Variants in STK32B observed in about 807,000 individuals in gnomAD.
The protein encoded by STK32B is serine/threonine-protein kinase 32B.
STK32B carries 43 observed loss-of-function variants against 52.6 expected under a neutral mutation model. The observed-to-expected ratio is 0.82, with a 90% CI of 0.64 to 1.05. The LOEUF (loss-of-function observed/expected upper bound fraction) is 1.05. Among genes scored for constraint, STK32B ranks in the 50% least tolerant of loss-of-function variants. The pLI is 0.00. For missense variants in STK32B, 621 were observed against 534.6 expected (o/e 1.16, Z -1.59); for synonymous variants, 238 against 204.3 (o/e 1.17, Z -1.41).
chr4:5,491,222 C>G (rs1250274738), intron 11 of STK32B, among the ~76,000 whole-genome samples: 1 of 152,226 alleles, frequency 6.6e-6, no homozygotes, highest in Non-Finnish European at 1.5e-5. Flanking sequence ...TCTCCACATC[C>G]TCTCCAGCAC....
chr4:5,061,942 G>A (rs915585857), intron 1 of STK32B, among the ~76,000 whole-genome samples: 4 of 152,122 alleles, frequency 2.6e-5, no homozygotes, highest in Non-Finnish European at 5.9e-5. Flanking sequence ...CTGGATATTT[G>A]TCCCAAAGTT....
intron 3 of STK32B, among the ~76,000 whole-genome samples, chr4:5,192,264 T>TC: frequency 6.6e-6 from 1 of 152,282 alleles, no homozygotes; most frequent in East Asian, 1.9e-4. Flanking sequence ...GTTATTGAAT[T>TC]CCCAGCAAGA....
At chr4:5,387,821 C>T (rs148460361) in intron 4 of STK32B, among the ~76,000 whole-genome samples, 32 of 152,148 alleles carry the variant, frequency 2.1e-4, no homozygotes, top group African/African-American at 5.3e-4. Flanking sequence ...CTTGGCTCAC[C>T]GCAACCTCCG....
At chr4:5,323,155 G>A (rs1731632904) in intron 3 of STK32B, among the ~76,000 whole-genome samples, 1 of 152,120 alleles carries the variant, frequency 6.6e-6, no homozygotes, top group Admixed American at 6.5e-5. Context: ...AGTCTGACAG[G>A]TGGAGGTGGA....
chr4:5,270,000 G>C (rs1727318850), intron 3 of STK32B, among the ~76,000 whole-genome samples: 1 of 152,110 alleles, frequency 6.6e-6, no homozygotes, highest in African/African-American at 2.4e-5. Context: ...AACTGAAAGA[G>C]AAAAGTCATG....
chr4:5,213,039 A>G (rs942078023), intron 3 of STK32B, among the ~76,000 whole-genome samples: 1 of 152,242 alleles, frequency 6.6e-6, no homozygotes, highest in Non-Finnish European at 1.5e-5. Context: ...TTGTATTTAA[A>G]TAATATATAC....
intron 3 of STK32B, 71 bp downstream of exon 3, chr4:5,168,521 A>G: frequency 6.7e-7 from 1 of 1,502,734 alleles, no homozygotes. Context: ...CGCCTCTGCT[A>G]GAGGGACTCT....
chr4:5,232,056 G>A (rs1560243540), intron 3 of STK32B, among the ~76,000 whole-genome samples: 1 of 152,152 alleles, frequency 6.6e-6, no homozygotes, highest in Admixed American at 6.5e-5. Flanking sequence ...GAGTGGTGAA[G>A]AATAGAGGCA....
At chr4:5,444,288 G>T (rs544377283) in intron 6 of STK32B, among the ~76,000 whole-genome samples, 1 of 152,234 alleles carries the variant, frequency 6.6e-6, no homozygotes, top group Non-Finnish European at 1.5e-5. Context: ...GTCAGGTGCG[G>T]GATATAATCT....
At chr4:5,356,283 T>A (rs1734166193) in intron 4 of STK32B, among the ~76,000 whole-genome samples, 1 of 152,156 alleles carries the variant, frequency 6.6e-6, no homozygotes, top group Admixed American at 6.5e-5. Flanking sequence ...CTCAAATATC[T>A]CTTTCCCTTA....
At position 5,436,056 on chromosome 4, in the gene STK32B, T is replaced by C. The variant is rs1374692862; in HGVS notation, c.563-10617T>C. 3.9e-5 allele frequency: 6 copies of C among 152,356 alleles called. No individual in the cohort carries two copies. In the East Asian group the frequency reaches 5.8e-4, roughly 15 times the overall value. 9.4% of individuals were successfully genotyped at this position (152,356 alleles called of 1,614,324 possible). On this transcript the variant is annotated intron_variant, in intron 6 of 11. Transcript: ENST00000282908. ...ACGCAGCATGGAGCCAGGGTGGCCA[T>C]GGGCAAGCAGGGCGGCACAAGACAG...
chr4:5,415,725 CA>C (rs2109069696), intron 5 of STK32B, among the ~76,000 whole-genome samples: 1 of 152,306 alleles, frequency 6.6e-6, no homozygotes, highest in Admixed American at 6.5e-5. Flanking sequence ...GCAGCTTGCT[CA>C]CATGTCAGTG....
intron 1 of STK32B, among the ~76,000 whole-genome samples, chr4:5,136,058 A>T (rs1191035032): frequency 1.3e-5 from 2 of 152,142 alleles, no homozygotes; most frequent in Non-Finnish European, 2.9e-5. Flanking sequence ...GTACACACTG[A>T]TCTCTTAACA....
At position 5,400,507 on chromosome 4, in the gene STK32B, T is replaced by C. The variant is rs1737224407; in HGVS notation, c.472+2263T>C. Among the ~76,000 whole-genome samples, 1 of 152,164 alleles carries C rather than the reference T, an allele frequency of 6.6e-6. No homozygotes were observed. The highest frequency in any genetic ancestry group is 1.5e-5 in the Non-Finnish European group (1 of 68,040). ...TCTTCTCCCTCTCCAGCCTCCCATT[T>C]CATCGAAAAGTCTCTGCTAGCTGGT... On this transcript the variant is annotated intron_variant, in intron 5 of 11. Coordinates refer to ENST00000282908, the MANE Select transcript of STK32B (RefSeq NM_018401.3). The surrounding 1 kb of genome is among the most constrained non-coding windows in gnomAD (Gnocchi z 6.1).
At chr4:5,259,988 G>A (rs1577258672) in intron 3 of STK32B, among the ~76,000 whole-genome samples, 1 of 151,860 alleles carries the variant, frequency 6.6e-6, no homozygotes, top group African/African-American at 2.4e-5. Context: ...GCAGAGCTAG[G>A]GGAATCTTCC....
intron 3 of STK32B, among the ~76,000 whole-genome samples, chr4:5,282,545 G>A (rs1728274358): frequency 6.6e-6 from 1 of 151,970 alleles, no homozygotes; most frequent in African/African-American, 2.4e-5. Flanking sequence ...CTGTACTAAT[G>A]CTTCTTCTTC....
At chr4:5,401,002 G>A (rs1048550698) in intron 5 of STK32B, among the ~76,000 whole-genome samples, 1 of 152,158 alleles carries the variant, frequency 6.6e-6, no homozygotes, top group Non-Finnish European at 1.5e-5. Context: ...ATGACAGTGG[G>A]ATCCTGAAGG....
chr4:5,174,877 G>C (rs1355499572), intron 3 of STK32B, among the ~76,000 whole-genome samples: 1 of 152,162 alleles, frequency 6.6e-6, no homozygotes, highest in Non-Finnish European at 1.5e-5. Context: ...AGTTCTCCTG[G>C]ATAATATCCT....
At chr4:5,249,444 TTCCTTCCTTCCTTCCTTCCTTC>T (rs2108829748) in intron 3 of STK32B, among the ~76,000 whole-genome samples, 2 of 33,298 alleles carry the variant, frequency 6.0e-5, no homozygotes, top group Admixed American at 7.9e-4. Context: ...CCTACCTACC[TTCCTTCCTTCCTTCCTTCCTTC>T]CTTCCTTCCT....
Sources: allele counts gnomAD v4.1 joint callset (sites outside exome capture counted in the v4.1 genomes callset), GRCh38; gene constraint gnomAD v4.1.1; non-coding constraint Gnocchi (gnomAD v3.1); transcripts MANE v1.5; gene names NCBI Gene and HGNC (gene_info 2026-07-23, HGNC 2026-07-21).